WWOX: variants seen among roughly 807,000 people sequenced by gnomAD.
The protein encoded by WWOX is WW domain-containing oxidoreductase.
WWOX carries 69 observed loss-of-function variants against 46.2 expected under a neutral mutation model. That is an observed-to-expected ratio of 1.49 (90% CI 1.23 to 1.82). WWOX has a LOEUF of 1.82. WWOX is among the 40% of genes most tolerant of loss of function. The pLI, the probability that WWOX is intolerant of heterozygous loss-of-function variation, is 0.00. For synonymous variants in WWOX, 359 were observed against 202.6 expected (o/e 1.77, Z -6.56); for missense variants, 919 against 542.6 (o/e 1.69, Z -6.89).
At chr16:79,053,645 T>TTA (rs2048210275) in intron 8 of WWOX, among the ~76,000 whole-genome samples, 1 of 152,220 alleles carries the variant, frequency 6.6e-6, no homozygotes, top group Admixed American at 6.5e-5. Flanking sequence ...ATGTTTTAAA[T>TTA]AACAAAACAA....
intron 8 of WWOX, among the ~76,000 whole-genome samples, chr16:78,559,328 G>A (rs1231418878): frequency 6.6e-6 from 1 of 152,172 alleles, no homozygotes; most frequent in Non-Finnish European, 1.5e-5. Context: ...TAGCAGGTGG[G>A]CTCCTAGAAT....
At chr16:79,175,955 G>T (rs915205804) in intron 8 of WWOX, among the ~76,000 whole-genome samples, 10 of 152,012 alleles carry the variant, frequency 6.6e-5, no homozygotes, top group African/African-American at 2.4e-4. Flanking sequence ...CTCCACCCTT[G>T]CCTGTCAAAT....
intron 8 of WWOX, among the ~76,000 whole-genome samples, chr16:78,942,466 A>G (rs535885764): frequency 1.3e-5 from 2 of 152,284 alleles, no homozygotes; most frequent in South Asian, 2.1e-4. Context: ...TGTTGCCCCA[A>G]ATAATCATAA....
At chr16:78,683,182 A>G (rs2047770456) in intron 8 of WWOX, among the ~76,000 whole-genome samples, 2 of 152,102 alleles carry the variant, frequency 1.3e-5, no homozygotes, top group South Asian at 2.1e-4. Context: ...CTTGGTCTTT[A>G]AAATTTTTTT....
chr16:78,912,967 C>G (rs903108554), intron 8 of WWOX, among the ~76,000 whole-genome samples: 2 of 152,002 alleles, frequency 1.3e-5, no homozygotes, highest in Non-Finnish European at 2.9e-5. Flanking sequence ...GAGGGCTCCA[C>G]AAAGAACTCG....
intron 8 of WWOX, among the ~76,000 whole-genome samples, chr16:78,438,975 G>A (rs935208929): frequency 1.4e-4 from 22 of 152,138 alleles, no homozygotes; most frequent in South Asian, 2.1e-4. Context: ...AATTTAAAAC[G>A]TAATGAAGGA....
chr16:78,667,781 T>C (rs958920592), intron 8 of WWOX, among the ~76,000 whole-genome samples: 10 of 152,206 alleles, frequency 6.6e-5, no homozygotes, highest in Middle Eastern at 3.4e-3. Flanking sequence ...CTCTCTCCTT[T>C]GTTTCTGTCT....
intron 8 of WWOX, among the ~76,000 whole-genome samples, chr16:78,922,565 G>C (rs1445065671): frequency 6.6e-6 from 1 of 152,114 alleles, no homozygotes; most frequent in Non-Finnish European, 1.5e-5. Flanking sequence ...TTTTAGTAGA[G>C]ACAGGGTTTC....
At chr16:78,165,962 GATAGTAGCA>G (rs71137879) in intron 5 of WWOX, among the ~76,000 whole-genome samples, 28,590 of 151,990 alleles carry the variant, frequency 0.19, 2,775 homozygotes, top group African/African-American at 0.21. Context: ...TAGTAGGTGG[GATAGTAGCA>G]ATTTTTAGGG....
At chr16:78,922,142 G>C (rs1244822504) in intron 8 of WWOX, among the ~76,000 whole-genome samples, 1 of 152,074 alleles carries the variant, frequency 6.6e-6, no homozygotes, top group Non-Finnish European at 1.5e-5. Flanking sequence ...AGGTGTGATT[G>C]GGTGATTGCC....
chr16:78,685,030 C>T (rs2047822601), intron 8 of WWOX, among the ~76,000 whole-genome samples: 2 of 152,172 alleles, frequency 1.3e-5, no homozygotes, highest in Admixed American at 1.3e-4. Flanking sequence ...CCACAATCCT[C>T]AGGATTATTT....
intron 8 of WWOX, among the ~76,000 whole-genome samples, chr16:78,436,774 A>C (rs1259116425): frequency 1.3e-5 from 2 of 152,214 alleles, no homozygotes; most frequent in Non-Finnish European, 2.9e-5. Flanking sequence ...TTTCCTAGTA[A>C]GATAGACCAG....
intron 8 of WWOX, among the ~76,000 whole-genome samples, chr16:78,575,052 T>TAA (rs2044835428): frequency 7.5e-5 from 1 of 13,352 alleles, no homozygotes; most frequent in Non-Finnish European, 1.5e-4. Context: ...TATATATATA[T>TAA]ATATATATAT....
chr16:79,138,131 C>T lies in WWOX; in HGVS notation c.1057-73477C>T, dbSNP rs543987143. 1.6e-4 allele frequency among the ~76,000 whole-genome samples: 25 copies of T among 152,266 alleles called. No homozygotes were observed. In the East Asian group the frequency reaches 2.9e-3, roughly 18 times the overall value. On this transcript the variant is annotated intron_variant, in intron 8 of 8. Transcript: ENST00000566780. Reference sequence around the variant, plus strand: ...GGGGCCACAGCCAGAAATAATTCCCCGAGAATACTGCGTGTGCCTTCAAAT... The same window carrying T: ...GGGGCCACAGCCAGAAATAATTCCCTGAGAATACTGCGTGTGCCTTCAAAT...
chr16:78,119,077 T>C (rs544820091), intron 4 of WWOX: 15 of 152,336 alleles, frequency 9.8e-5, no homozygotes, highest in Middle Eastern at 3.4e-3. Context: ...CGCTAGGAGA[T>C]CAAGAGGCCC....
chr16:78,619,445 T>G (rs192034918), intron 8 of WWOX, among the ~76,000 whole-genome samples: 1 of 147,892 alleles, frequency 6.8e-6, no homozygotes, highest in Non-Finnish European at 1.5e-5. Flanking sequence ...ACACACTGCA[T>G]GCACATGGGT....
chr16:78,604,557 C>T (rs150697626), intron 8 of WWOX, among the ~76,000 whole-genome samples: 16 of 152,192 alleles, frequency 1.1e-4, no homozygotes, highest in African/African-American at 2.9e-4. Flanking sequence ...TCATGAGCTA[C>T]GTTGTATCAA....
chr16:78,959,480 C>G (rs1211031987), intron 8 of WWOX, among the ~76,000 whole-genome samples: 1 of 152,158 alleles, frequency 6.6e-6, no homozygotes, highest in Non-Finnish European at 1.5e-5. Flanking sequence ...CAGGGTTAGC[C>G]ATCCATCTAT....
chr16:78,165,247 A>C (rs2034933338), intron 5 of WWOX, among the ~76,000 whole-genome samples: 1 of 152,224 alleles, frequency 6.6e-6, no homozygotes, highest in African/African-American at 2.4e-5. Flanking sequence ...TCCAGACTGC[A>C]TTCATTCACT....
Sources: gnomAD v4.1 joint callset for allele counts (sites outside exome capture counted in the v4.1 genomes callset) on GRCh38, gnomAD v4.1.1 for gene constraint, MANE v1.5 for transcripts, NCBI Gene and HGNC (gene_info 2026-07-23, HGNC 2026-07-21) for gene names.